CHRM3: variants seen among roughly 807,000 people sequenced by gnomAD.
The protein encoded by CHRM3 is cholinergic receptor muscarinic 3.
A neutral mutation model predicts 41.8 loss-of-function variants in CHRM3; 11 were observed. The ratio of observed to expected loss-of-function variants is 0.26; its 90% confidence interval spans 0.17 to 0.44. CHRM3 has a LOEUF of 0.44. CHRM3 is among the 20% of genes least tolerant of loss of function. The probability of loss-of-function intolerance (pLI) is 1.00; values close to 1 mark genes in which losing one functional copy is unlikely to be tolerated. For missense variants in CHRM3, 571 were observed against 745.4 expected (o/e 0.77, Z 2.72); for synonymous variants, 297 against 301.4 (o/e 0.99, Z 0.15).
intron 5 of CHRM3, among the ~76,000 whole-genome samples, chr1:239,754,242 A>G (rs1003952772): frequency 2.6e-5 from 4 of 152,238 alleles, no homozygotes; most frequent in Admixed American, 1.3e-4. Context: ...AAGTATAAAT[A>G]TTTGTGTTCC....
At chr1:239,684,632 C>G (rs1658895821) in intron 5 of CHRM3, among the ~76,000 whole-genome samples, 1 of 141,692 alleles carries the variant, frequency 7.1e-6, no homozygotes, top group Non-Finnish European at 1.5e-5. Context: ...GCCTGGGCAA[C>G]AGAGCGAGAT....
chr1:239,763,476 A>G (rs1391789205), intron 5 of CHRM3, among the ~76,000 whole-genome samples: 2 of 152,212 alleles, frequency 1.3e-5, no homozygotes, highest in African/African-American at 2.4e-5. Flanking sequence ...CTTTCTTTCA[A>G]GTCAGGTAGT....
At chr1:239,690,211 T>C (rs1381337398) in intron 5 of CHRM3, among the ~76,000 whole-genome samples, 1 of 152,150 alleles carries the variant, frequency 6.6e-6, no homozygotes, top group Non-Finnish European at 1.5e-5. Flanking sequence ...GATATAATAC[T>C]TGAAATTTCT....
chr1:239,784,303 T>G (rs1370802088), intron 5 of CHRM3, among the ~76,000 whole-genome samples: 1 of 152,220 alleles, frequency 6.6e-6, no homozygotes, highest in Non-Finnish European at 1.5e-5. Flanking sequence ...CCAAGTTCAT[T>G]GTTCTTATTT....
intron 1 of CHRM3, among the ~76,000 whole-genome samples, chr1:239,470,961 C>T (rs1666076555): frequency 1.3e-5 from 2 of 152,136 alleles, no homozygotes; most frequent in Non-Finnish European, 2.9e-5. Context: ...TTTTTCATTA[C>T]ATTCACTTCC....
chr1:239,701,923 C>G (rs777210826), intron 5 of CHRM3, among the ~76,000 whole-genome samples: 63 of 152,164 alleles, frequency 4.1e-4, no homozygotes, highest in Non-Finnish European at 7.8e-4. Flanking sequence ...CCTCTTTTCT[C>G]CATGTAATTT....
chr1:239,609,318 T>A (rs1487010224), intron 3 of CHRM3, among the ~76,000 whole-genome samples: 1 of 152,252 alleles, frequency 6.6e-6, no homozygotes, highest in African/African-American at 2.4e-5. Context: ...TACTTTTGTG[T>A]CTGCCAATAG....
chr1:239,893,361 A>G (rs1034312201), intron 6 of CHRM3, among the ~76,000 whole-genome samples: 4 of 152,150 alleles, frequency 2.6e-5, no homozygotes, highest in African/African-American at 9.7e-5. Flanking sequence ...TTATAAGCTT[A>G]GGTATTGTTT....
intron 6 of CHRM3, among the ~76,000 whole-genome samples, chr1:239,854,360 A>G (rs925626575): frequency 6.6e-6 from 1 of 151,966 alleles, no homozygotes; most frequent in Non-Finnish European, 1.5e-5. Flanking sequence ...TATTCTGTCC[A>G]CTGGTGATGT....
intron 5 of CHRM3, among the ~76,000 whole-genome samples, chr1:239,763,477 G>A (rs1666963089): frequency 6.6e-6 from 1 of 152,150 alleles, no homozygotes; most frequent in Admixed American, 6.5e-5. Context: ...TTTCTTTCAA[G>A]TCAGGTAGTT....
chr1:239,404,055 G>A (rs866320838), intron 1 of CHRM3, among the ~76,000 whole-genome samples: 2 of 147,610 alleles, frequency 1.4e-5, no homozygotes, highest in African/African-American at 5.0e-5. Flanking sequence ...CCAGCACTTT[G>A]GGAGGCCAAG....
rs1336964609 is a variant in CHRM3 at position 239,907,254 on chromosome 1, G to A, written c.-19-179G>A. ...TATATAATACTATCTCAAACAAATCGATGTCTGTCTGCCCTAGACTCCACT... is the reference window on the plus strand; with the variant it reads ...TATATAATACTATCTCAAACAAATCAATGTCTGTCTGCCCTAGACTCCACT... On this transcript the variant is annotated intron_variant, in intron 6 of 6. Transcript: ENST00000676153. The surrounding 1 kb of genome is among the most constrained non-coding windows in gnomAD (Gnocchi z 5.4). Among the ~76,000 whole-genome samples the A allele has an allele frequency of 2.6e-5, 4 of 152,112 alleles. No homozygotes were observed. The highest frequency in any genetic ancestry group is 4.8e-5 in the African/African-American group (2 of 41,424).
intron 4 of CHRM3, among the ~76,000 whole-genome samples, chr1:239,649,746 T>G (rs1251088299): frequency 1.3e-5 from 2 of 151,884 alleles, no homozygotes; most frequent in African/African-American, 4.8e-5. Flanking sequence ...AGAAGGATAG[T>G]GGGGTGGGTT....
chr1:239,710,190 A>T lies in CHRM3; in HGVS notation c.-147+31902A>T, dbSNP rs1661625675. On this transcript the variant is annotated intron_variant, in intron 5 of 6. Coordinates refer to ENST00000676153, the MANE Select transcript of CHRM3 (RefSeq NM_001375978.1). ...TTTTCATTATCTGCATCTAAGTGTT[A>T]TATGTATAACTATATCCATATTATT... Among the ~76,000 whole-genome samples, 3 of 152,308 alleles carry T rather than the reference A, an allele frequency of 2.0e-5. No individual in the cohort carries two copies. In the South Asian group the frequency reaches 6.2e-4, roughly 32 times the overall value.
At chr1:239,837,338 T>C (rs1673410600) in intron 6 of CHRM3, among the ~76,000 whole-genome samples, 1 of 152,168 alleles carries the variant, frequency 6.6e-6, no homozygotes, top group African/African-American at 2.4e-5. Flanking sequence ...AAAATGAGAA[T>C]GAAGCTGTAG....
At chr1:239,795,958 A>G (rs1572323059) in intron 5 of CHRM3, among the ~76,000 whole-genome samples, 1 of 152,294 alleles carries the variant, frequency 6.6e-6, no homozygotes, top group East Asian at 1.9e-4. Flanking sequence ...TGATATTTTT[A>G]TATTGACTGT....
In CHRM3 at chr1:239,914,390, A is replaced by G. The variant is rs1247193544; in HGVS notation, c.*5166A>G. On this transcript the variant is annotated 3_prime_UTR_variant, in exon 7 of 7. Coordinates refer to ENST00000676153, the MANE Select transcript of CHRM3 (RefSeq NM_001375978.1). Reference sequence around the variant, plus strand: ...TATTATCAACATTCTGTGCACATCAATGTCCCATGCTGCTACTGTAGTCAG... The same window carrying G: ...TATTATCAACATTCTGTGCACATCAGTGTCCCATGCTGCTACTGTAGTCAG... 6.0e-6 allele frequency: 1 copy of G among 167,068 alleles called. No homozygotes were observed. Among genetic ancestry groups the G allele is most frequent in the Non-Finnish European group, 1.5e-5 (1 of 68,112 alleles). 10.3% of individuals were successfully genotyped at this position (167,068 alleles called of 1,614,324 possible). A position where few individuals can be genotyped will look rare whatever the true frequency, so the allele number is the denominator to read the frequency against.
intron 2 of CHRM3, among the ~76,000 whole-genome samples, chr1:239,544,631 A>G (rs192151633): frequency 2.6e-4 from 40 of 152,364 alleles, no homozygotes; most frequent in African/African-American, 7.2e-5. Context: ...ATAGATGCCA[A>G]TGCCTACTTT....
chr1:239,668,832 A>G (rs952723958), intron 4 of CHRM3, among the ~76,000 whole-genome samples: 1 of 152,212 alleles, frequency 6.6e-6, no homozygotes, highest in Non-Finnish European at 1.5e-5. Context: ...CTCATTAGAA[A>G]GACAGTTTGG....
Sources: allele counts gnomAD v4.1 joint callset (sites outside exome capture counted in the v4.1 genomes callset), GRCh38; gene constraint gnomAD v4.1.1; non-coding constraint Gnocchi (gnomAD v3.1); transcripts MANE v1.5; gene names NCBI Gene and HGNC (gene_info 2026-07-23, HGNC 2026-07-21).